Variants in NCKAP1 observed in about 807,000 individuals in gnomAD.
The protein encoded by NCKAP1 is NCK associated protein 1.
In NCKAP1, 21 loss-of-function variants were observed where a neutral mutation model predicts 151.2. The ratio of observed to expected loss-of-function variants is 0.14; its 90% CI spans 0.10 to 0.20. The LOEUF is 0.20. NCKAP1 is among the 10% of genes least tolerant of loss of function. The pLI, the probability that NCKAP1 is intolerant of heterozygous loss-of-function variation, is 1.00. For missense variants in NCKAP1, 933 were observed against 1,352.1 expected, an observed-to-expected ratio of 0.69 and a Z score of 4.86; for synonymous variants, 484 against 451.8, an observed-to-expected ratio of 1.07 and a Z score of -0.90.
chr2:183,023,291 T>A (rs2105894040), intron 2 of NCKAP1, among the ~76,000 whole-genome samples: 1 of 152,210 alleles, frequency 6.6e-6, no homozygotes, highest in East Asian at 1.9e-4. Context: ...CTTTCCCATA[T>A]GAAAAGTAAT....
At chr2:183,007,061 C>A (rs986781200) in intron 2 of NCKAP1, among the ~76,000 whole-genome samples, 1 of 152,004 alleles carries the variant, frequency 6.6e-6, no homozygotes, top group Non-Finnish European at 1.5e-5. Context: ...TTAGTAGAGG[C>A]GGGGTTTCAC....
chr2:182,999,818 G>T (rs1360689769), intron 6 of NCKAP1, among the ~76,000 whole-genome samples: 1 of 152,148 alleles, frequency 6.6e-6, no homozygotes, highest in African/African-American at 2.4e-5. Context: ...ACACTATGCA[G>T]CCATAAAAAG....
At chr2:182,930,843 A>G in intron 26 of NCKAP1, 55 bp from the exon 27 acceptor site, 4 of 1,472,050 alleles carry the variant, frequency 2.7e-6, no homozygotes, top group Non-Finnish European at 3.8e-6. Flanking sequence ...ATTTCTGAGA[A>G]AGCTCACTGT....
intron 2 of NCKAP1, among the ~76,000 whole-genome samples, chr2:183,009,385 A>C (rs1261216251): frequency 3.2e-5 from 4 of 126,578 alleles, no homozygotes; most frequent in African/African-American, 1.2e-4. Flanking sequence ...GGGAGGAGGA[A>C]AGAGGGAGGG....
intron 26 of NCKAP1, 42 bp from the exon 27 acceptor site, chr2:182,930,830 CA>C: frequency 6.5e-7 from 1 of 1,533,562 alleles, no homozygotes; most frequent in South Asian, 1.1e-5. Context: ...AATAGTCTAA[CA>C]AATTTCTGAG....
chr2:182,973,925 C>T (rs1473557204), intron 15 of NCKAP1, among the ~76,000 whole-genome samples: 1 of 152,142 alleles, frequency 6.6e-6, no homozygotes, highest in African/African-American at 2.4e-5. Flanking sequence ...CTGTCTATGA[C>T]ATCTCTTAAT....
intron 14 of NCKAP1, among the ~76,000 whole-genome samples, chr2:182,977,694 C>G (rs979118857): frequency 6.6e-6 from 1 of 151,892 alleles, no homozygotes; most frequent in Non-Finnish European, 1.5e-5. Context: ...TGGAGGTTGC[C>G]AGGGGCTAGC....
intron 1 of NCKAP1, among the ~76,000 whole-genome samples, chr2:183,028,770 A>G (rs1232851361): frequency 6.6e-6 from 1 of 152,208 alleles, no homozygotes; most frequent in Non-Finnish European, 1.5e-5. Context: ...TTCTTTATAT[A>G]CATGGATACA....
intron 2 of NCKAP1, among the ~76,000 whole-genome samples, chr2:183,005,651 A>G (rs995699676): frequency 2.6e-5 from 4 of 152,186 alleles, no homozygotes; most frequent in East Asian, 1.9e-4. Flanking sequence ...TTATCAAACA[A>G]CTACTAGATG....
At chr2:182,994,962 C>A in intron 7 of NCKAP1, 75 bp from the exon 8 acceptor site, 1 of 1,182,102 alleles carries the variant, frequency 8.5e-7, no homozygotes, top group South Asian at 1.3e-5. Context: ...ACTCTCCTCC[C>A]TTTCTCCTGA....
rs1698869350 is a variant in NCKAP1 at position 183,025,041 on chromosome 2, A to G, written c.109-1125T>C. 3.2e-6 allele frequency: 5 copies of G among 1,579,986 alleles called. No homozygotes were observed. The Admixed American group carries it at 6.7e-5, about 21-fold the overall frequency. On this transcript the variant is annotated intron_variant, in intron 1 of 30. Coordinates refer to ENST00000361354, the MANE Select transcript of NCKAP1 (RefSeq NM_013436.5). ...AAAGAGAGAAAATTACGTGTAAACAATGATTGTCAAACTATGATATACGTT... is the reference window on the plus strand; with the variant it reads ...AAAGAGAGAAAATTACGTGTAAACAGTGATTGTCAAACTATGATATACGTT...
intron 15 of NCKAP1, among the ~76,000 whole-genome samples, chr2:182,974,841 T>C (rs1697773198): frequency 6.6e-6 from 1 of 152,130 alleles, no homozygotes; most frequent in Non-Finnish European, 1.5e-5. Flanking sequence ...ATCAGATAGC[T>C]AGCTAATAAT....
At chr2:183,011,647 GT>G (rs1202932036) in intron 2 of NCKAP1, among the ~76,000 whole-genome samples, 5 of 152,140 alleles carry the variant, frequency 3.3e-5, no homozygotes, top group Non-Finnish European at 7.3e-5. Flanking sequence ...ACTACATTTT[GT>G]TTATTCATTC....
At position 182,917,380 on chromosome 2, in the gene NCKAP1, G is replaced by C. The variant is rs1292117139; in HGVS notation, c.*8322C>G. On this transcript the variant is annotated 3_prime_UTR_variant, in exon 31 of 31. Transcript: ENST00000361354. Reference sequence around the variant, plus strand: ...AGATCAGCATATATGCGGCAACACAGCACAGTGGAAGGAACACTATATGAG... The same window carrying C: ...AGATCAGCATATATGCGGCAACACACCACAGTGGAAGGAACACTATATGAG... The C allele has an allele frequency of 6.6e-6, 1 of 152,116 alleles. No homozygotes were observed. The highest frequency in any genetic ancestry group is 1.5e-5 in the Non-Finnish European group (1 of 68,026). The allele number at this position is 152,116 out of a possible 1,614,324, so 9.4% of individuals were successfully genotyped here.
At position 182,996,879 on chromosome 2, in the gene NCKAP1, T is replaced by C. The variant is rs1030565873; in HGVS notation, c.604-1041A>G. Among the ~76,000 whole-genome samples, 13 of 152,324 alleles carry C rather than the reference T, an allele frequency of 8.5e-5. 1 individual carries two copies. The South Asian group carries it at 2.7e-3, about 32-fold the overall frequency. ...CCTCTGGAAACAGAACCCCACAATC[T>C]ACCATTTTATTAAGCTACACAAAGT... On this transcript the variant is annotated intron_variant, in intron 6 of 30. Transcript: ENST00000361354.
chr2:182,961,009 T>C (rs1037529568), intron 18 of NCKAP1, among the ~76,000 whole-genome samples: 6 of 152,098 alleles, frequency 3.9e-5, no homozygotes, highest in Non-Finnish European at 7.4e-5. Context: ...ATCAGAGAAA[T>C]GCAAATCAAA....
intron 15 of NCKAP1, among the ~76,000 whole-genome samples, chr2:182,973,995 T>C (rs926622906): frequency 3.9e-5 from 6 of 152,140 alleles, no homozygotes; most frequent in Non-Finnish European, 8.8e-5. Flanking sequence ...ATAGCTAGAT[T>C]ATAAAATCCT....
At chr2:182,994,004 C>A (rs772248719) in intron 8 of NCKAP1, among the ~76,000 whole-genome samples, 4 of 152,048 alleles carry the variant, frequency 2.6e-5, no homozygotes, top group Non-Finnish European at 4.4e-5. Context: ...CACAATAAAA[C>A]GAAGGAAAAC....
In NCKAP1 at chr2:183,038,244, A is replaced by C; in HGVS notation, c.-145T>G. 3 of 467,654 alleles carry C rather than the reference A, an allele frequency of 6.4e-6. No individual in the cohort carries two copies. Among genetic ancestry groups the C allele is most frequent in the Middle Eastern group, 5.8e-4 (1 of 1,732 alleles). The allele number at this position is 467,654 out of a possible 1,614,324, so 29.0% of individuals were successfully genotyped here. A position where few individuals can be genotyped will look rare whatever the true frequency, so the allele number is the denominator to read the frequency against. On this transcript the variant is annotated 5_prime_UTR_variant, in exon 1 of 31. Coordinates refer to ENST00000361354, the MANE Select transcript of NCKAP1 (RefSeq NM_013436.5). ...GCGCGCCCATGGCCCTCGCGCCCCAATCCCGCGCCGGCGACAGAGCGAGCC... is the reference window on the plus strand; with the variant it reads ...GCGCGCCCATGGCCCTCGCGCCCCACTCCCGCGCCGGCGACAGAGCGAGCC...
Sources: gnomAD v4.1 joint callset for allele counts (sites outside exome capture counted in the v4.1 genomes callset) on GRCh38, gnomAD v4.1.1 for gene constraint, MANE v1.5 for transcripts, NCBI Gene and HGNC (gene_info 2026-07-23, HGNC 2026-07-21) for gene names.